The following DERA variants were observed in gnomAD, a reference collection of about 807,000 sequenced individuals.
DERA encodes 2-deoxy-D-ribose 5-phosphate aldolase.
A neutral mutation model predicts 41.1 loss-of-function variants in DERA; 15 were observed. That is an observed-to-expected ratio of 0.37 (90% CI 0.24 to 0.56). DERA has a LOEUF of 0.56. Among genes scored for constraint, DERA ranks in the 20% least tolerant of loss-of-function variants. The pLI is 0.81. For synonymous variants in DERA, 139 were observed against 137.4 expected, an observed-to-expected ratio of 1.01 and a Z score of -0.08; for missense variants, 396 against 403.4, an observed-to-expected ratio of 0.98 and a Z score of 0.16.
At position 15,998,628 on chromosome 12, in the gene DERA, G is replaced by A. The variant is rs1331593506; in HGVS notation, c.637+16192G>A. On this transcript the variant is annotated intron_variant, in intron 6 of 8. Coordinates refer to ENST00000428559, the MANE Select transcript of DERA (RefSeq NM_015954.4). The surrounding 1 kb of genome is among the most constrained non-coding windows in gnomAD (Gnocchi z 4.8). ...CACCACGCCTGGCCTAACACAGGAA[G>A]TCTTTCAACTCACATTTGTAGTTCA... Among the ~76,000 whole-genome samples the A allele has an allele frequency of 6.6e-6, 1 of 152,144 alleles. No homozygotes were observed. Among genetic ancestry groups the A allele is most frequent in the Non-Finnish European group, 1.5e-5 (1 of 68,028 alleles).
At position 16,017,262 on chromosome 12, in the gene DERA, T is replaced by A. The variant is rs1284488042; in HGVS notation, c.638-15280T>A. 6.6e-6 allele frequency among the ~76,000 whole-genome samples: 1 copy of A among 152,264 alleles called. No homozygotes were observed. Among genetic ancestry groups the A allele is most frequent in the Non-Finnish European group, 1.5e-5 (1 of 68,052 alleles). ...TGTGATTTCTTTCTGACTGCCATTATGCTTAAACAAGCATCATTGCTTAGT... is the reference window on the plus strand; with the variant it reads ...TGTGATTTCTTTCTGACTGCCATTAAGCTTAAACAAGCATCATTGCTTAGT... On this transcript the variant is annotated intron_variant, in intron 6 of 8. Coordinates refer to ENST00000428559, the MANE Select transcript of DERA (RefSeq NM_015954.4). The surrounding 1 kb of genome is among the most constrained non-coding windows in gnomAD (Gnocchi z 5.5).
intron 1 of DERA, among the ~76,000 whole-genome samples, chr12:15,949,012 C>T (rs112299004): frequency 0.019 from 2,836 of 152,234 alleles, 97 homozygotes; most frequent in African/African-American, 0.063. Flanking sequence ...TGCAGAACGG[C>T]GAATATTGCT....
In DERA at chr12:15,988,828, A is replaced by G. The variant is rs977774488; in HGVS notation, c.637+6392A>G. Among the ~76,000 whole-genome samples the G allele has an allele frequency of 1.3e-5, 2 of 152,014 alleles. No individual in the cohort carries two copies. The highest frequency in any genetic ancestry group is 4.8e-5 in the African/African-American group (2 of 41,382). ...TATTCACACTGAGGGGCGCCTGCAG[A>G]CCCACACCAAGCTGCCCTCAGCCCC... On this transcript the variant is annotated intron_variant, in intron 6 of 8. Transcript: ENST00000428559. The surrounding 1 kb of genome is among the most constrained non-coding windows in gnomAD (Gnocchi z 6.0).
intron 5 of DERA, among the ~76,000 whole-genome samples, chr12:15,975,911 CTG>C (rs146023799): frequency 0.019 from 2,840 of 152,326 alleles, 96 homozygotes; most frequent in African/African-American, 0.065. Context: ...TATTGATTAA[CTG>C]TATTTAGAAA....
At position 15,931,929 on chromosome 12, in the gene DERA, C is replaced by T. The variant is rs553132022; in HGVS notation, c.31+20515C>T. ...ACATACCTGCTACCTTTCACGTGTC[C>T]GCTTCCCCTTTGACCTTTTGCCATG... On this transcript the variant is annotated intron_variant, in intron 1 of 8. Transcript: ENST00000428559. The surrounding 1 kb of genome is among the most constrained non-coding windows in gnomAD (Gnocchi z 4.6). Among the ~76,000 whole-genome samples, 24 of 152,214 alleles carry T rather than the reference C, an allele frequency of 1.6e-4. No individual in the cohort carries two copies. The highest frequency in any genetic ancestry group is 5.2e-4 in the Admixed American group (8 of 15,288).
chr12:15,952,713 A>C (rs982885990), intron 1 of DERA, among the ~76,000 whole-genome samples: 10 of 152,186 alleles, frequency 6.6e-5, no homozygotes, highest in Admixed American at 2.0e-4. Context: ...GCACATTTCG[A>C]TTTGGACTAT....
chr12:15,945,461 G>C (rs1466198283), intron 1 of DERA, among the ~76,000 whole-genome samples: 2 of 152,140 alleles, frequency 1.3e-5, no homozygotes, highest in Non-Finnish European at 2.9e-5. Flanking sequence ...TTGTAAGTTG[G>C]ATTCCTAGGT....
rs1948399403 is a variant in DERA at position 15,940,264 on chromosome 12, C to G, written c.32-16672C>G. On this transcript the variant is annotated intron_variant, in intron 1 of 8. Coordinates refer to ENST00000428559, the MANE Select transcript of DERA (RefSeq NM_015954.4). The surrounding 1 kb of genome is among the most constrained non-coding windows in gnomAD (Gnocchi z 5.1). ...TTAACTGATTTTCTGTTTGAGGCATCTATGACTCTGCTATGAAACTGATAT... is the reference window on the plus strand; with the variant it reads ...TTAACTGATTTTCTGTTTGAGGCATGTATGACTCTGCTATGAAACTGATAT... Among the ~76,000 whole-genome samples, 1 of 152,294 alleles carries G rather than the reference C, an allele frequency of 6.6e-6. No homozygotes were observed. Among genetic ancestry groups the G allele is most frequent in the African/African-American group, 2.4e-5 (1 of 41,554 alleles).
In DERA at chr12:15,944,908, A is replaced by G. The variant is rs559017580; in HGVS notation, c.32-12028A>G. ...ATCCATCTTGAATTAATTTTTGTCT[A>G]AGGTGTAAGGAAGGGATCCAGTTTC... is the stretch of plus-strand genomic sequence containing the variant. On this transcript the variant is annotated intron_variant, in intron 1 of 8. Transcript: ENST00000428559. Among the ~76,000 whole-genome samples, 4 of 152,286 alleles carry G rather than the reference A, an allele frequency of 2.6e-5. No homozygotes were observed. The South Asian group carries it at 8.3e-4, about 32-fold the overall frequency.
At position 15,936,875 on chromosome 12, in the gene DERA, CTTGTCTTGTCTTGT is replaced by C. The variant is rs1948368494; in HGVS notation, c.32-20060_32-20047del. On this transcript the variant is annotated intron_variant, in intron 1 of 8. Transcript: ENST00000428559. The surrounding 1 kb of genome is among the most constrained non-coding windows in gnomAD (Gnocchi z 4.6). ...GTTGTCTTGTCTTGTCTTGTCTTGT[CTTGTCTTGTCTTGT>C]CCTGTCCTGTCCTGTCCTGTCCTGT... 7.1e-6 allele frequency among the ~76,000 whole-genome samples: 1 copy of C among 140,704 alleles called. No individual in the cohort carries two copies. Among genetic ancestry groups the C allele is most frequent in the African/African-American group, 2.9e-5 (1 of 34,724 alleles). 92.3% of individuals were successfully genotyped at this position (140,704 alleles called of 152,430 possible).
rs938692743 is a variant in DERA at position 15,996,670 on chromosome 12, A to T, written c.637+14234A>T. ...TGAGGTATTGAGGGGTGAGATTTTGACATCTCTTTTTTGGGGGAAACAATT... is the reference window on the plus strand; with the variant it reads ...TGAGGTATTGAGGGGTGAGATTTTGTCATCTCTTTTTTGGGGGAAACAATT... On this transcript the variant is annotated intron_variant, in intron 6 of 8. Coordinates refer to ENST00000428559, the MANE Select transcript of DERA (RefSeq NM_015954.4). This position sits in a 1 kb window ranked among gnomAD's most constrained non-coding sequence, Gnocchi z 4.7. Among the ~76,000 whole-genome samples, 2 of 152,184 alleles carry T rather than the reference A, an allele frequency of 1.3e-5. No individual in the cohort carries two copies. The highest frequency in any genetic ancestry group is 2.9e-5 in the Non-Finnish European group (2 of 68,024).
At position 15,994,450 on chromosome 12, in the gene DERA, C is replaced by A. The variant is rs1236889890; in HGVS notation, c.637+12014C>A. On this transcript the variant is annotated intron_variant, in intron 6 of 8. Transcript: ENST00000428559. This position sits in a 1 kb window ranked among gnomAD's most constrained non-coding sequence, Gnocchi z 4.8. The stretch of plus-strand genomic sequence containing the variant: ...ATATCTGTGCCACGTGGTTACTGAT[C>A]TATTAGAAAATTCTTTTTTTTGAGA... 6.6e-6 allele frequency among the ~76,000 whole-genome samples: 1 copy of A among 152,170 alleles called. No homozygotes were observed. The highest frequency in any genetic ancestry group is 1.5e-5 in the Non-Finnish European group (1 of 68,018).
chr12:15,932,848 T>TCGTC (rs1250587688), intron 1 of DERA, among the ~76,000 whole-genome samples: 2 of 151,630 alleles, frequency 1.3e-5, no homozygotes, highest in Non-Finnish European at 2.9e-5. Flanking sequence ...ATCTCCCCAG[T>TCGTC]CGTCTCTCTC....
chr12:15,961,805 G>A (rs1365530708), intron 4 of DERA, among the ~76,000 whole-genome samples: 4 of 152,114 alleles, frequency 2.6e-5, no homozygotes, highest in Non-Finnish European at 4.4e-5. Flanking sequence ...GTGCAGTGGC[G>A]CGATCTCGGC....
rs1948778098 is a variant in DERA, at chr12:15,988,190, C to T, written c.637+5754C>T. ...TTCTGGGCTCCCAGAAGGGCCGCAG[C>T]TCCTTCTTCCTTCTCGTTACCTGCA... is the stretch of plus-strand genomic sequence containing the variant. On this transcript the variant is annotated intron_variant, in intron 6 of 8. Transcript: ENST00000428559. This position sits in a 1 kb window ranked among gnomAD's most constrained non-coding sequence, Gnocchi z 6.0. Among the ~76,000 whole-genome samples, 1 of 152,192 alleles carries T rather than the reference C, an allele frequency of 6.6e-6. No homozygotes were observed. Among genetic ancestry groups the T allele is most frequent in the South Asian group, 2.1e-4 (1 of 4,826 alleles).
Position 15,988,733 on chromosome 12 carries a change from C to T in DERA, c.637+6297C>T, listed in dbSNP as rs1948782310. Among the ~76,000 whole-genome samples the T allele has an allele frequency of 6.6e-6, 1 of 152,102 alleles. No individual in the cohort carries two copies. The highest frequency in any genetic ancestry group is 2.1e-4 in the South Asian group (1 of 4,824). Reference sequence around the variant, plus strand: ...CATGAAGGTGGGGCTTCACCAGGGACCCATCCCTTCCTGCCTAGGAACCTG... The same window carrying T: ...CATGAAGGTGGGGCTTCACCAGGGATCCATCCCTTCCTGCCTAGGAACCTG... On this transcript the variant is annotated intron_variant, in intron 6 of 8. Coordinates refer to ENST00000428559, the MANE Select transcript of DERA (RefSeq NM_015954.4). This position sits in a 1 kb window ranked among gnomAD's most constrained non-coding sequence, Gnocchi z 6.0.
At chr12:15,991,367 A>G (rs1948800893) in intron 6 of DERA, among the ~76,000 whole-genome samples, 1 of 152,070 alleles carries the variant, frequency 6.6e-6, no homozygotes, top group African/African-American at 2.4e-5. Flanking sequence ...CCTTTTTTGG[A>G]TGCATAGTTT....
rs1455243261 is a variant in DERA at position 15,935,888 on chromosome 12, C to T, written c.32-21048C>T. Among the ~76,000 whole-genome samples, 7 of 152,080 alleles carry T rather than the reference C, an allele frequency of 4.6e-5. No individual in the cohort carries two copies. The highest frequency in any genetic ancestry group is 1.0e-4 in the Non-Finnish European group (7 of 68,024). ...ATGAGGTTGCAATCAAGTTATTGGC[C>T]CAGGCAGCCATCACCTGAAGGTTTG... On this transcript the variant is annotated intron_variant, in intron 1 of 8. Transcript: ENST00000428559. This position sits in a 1 kb window ranked among gnomAD's most constrained non-coding sequence, Gnocchi z 4.8.
Position 15,998,572 on chromosome 12 carries a change from C to T in DERA, c.637+16136C>T, listed in dbSNP as rs560215407. ...CCTCAGGTGATCCGCCTGCCTCAGC[C>T]TCCCAATGTGCTGGAATTACAGGTG... is the stretch of plus-strand genomic sequence containing the variant. On this transcript the variant is annotated intron_variant, in intron 6 of 8. Coordinates refer to ENST00000428559, the MANE Select transcript of DERA (RefSeq NM_015954.4). The surrounding 1 kb of genome is among the most constrained non-coding windows in gnomAD (Gnocchi z 4.8). Among the ~76,000 whole-genome samples, 3 of 152,258 alleles carry T rather than the reference C, an allele frequency of 2.0e-5. No individual in the cohort carries two copies. In the East Asian group the frequency reaches 5.8e-4, roughly 29 times the overall value.
Sources: gnomAD v4.1 joint callset for allele counts (sites outside exome capture counted in the v4.1 genomes callset) on GRCh38, gnomAD v4.1.1 for gene constraint, Gnocchi (gnomAD v3.1) non-coding constraint, MANE v1.5 for transcripts, NCBI Gene and HGNC (gene_info 2026-07-23, HGNC 2026-07-21) for gene names.